The following ZC3H12C variants were observed in gnomAD, a reference collection of about 807,000 sequenced individuals.
ZC3H12C encodes the protein zinc finger CCCH-type containing 12C.
Under a neutral mutation model 76.3 loss-of-function variants are expected in ZC3H12C, and 20 were observed. The ratio of observed to expected loss-of-function variants is 0.26; its 90% CI spans 0.18 to 0.38. The LOEUF is 0.38. Among genes scored for constraint, ZC3H12C ranks in the 10% least tolerant of loss-of-function variants. ZC3H12C has a pLI of 1.00. For synonymous variants in ZC3H12C, 352 were observed against 399.6 expected, an observed-to-expected ratio of 0.88 and a Z score of 1.42; for missense variants, 874 against 1,086.5, an observed-to-expected ratio of 0.80 and a Z score of 2.75.
chr11:110,134,302 G>A (rs1204859069), intron 1 of ZC3H12C, among the ~76,000 whole-genome samples: 1 of 152,120 alleles, frequency 6.6e-6, no homozygotes, highest in Non-Finnish European at 1.5e-5. Flanking sequence ...ATAGGCTTTT[G>A]TTCATACCAA....
intron 1 of ZC3H12C, among the ~76,000 whole-genome samples, chr11:110,101,795 A>C (rs551103193): frequency 7.2e-5 from 11 of 151,994 alleles, no homozygotes; most frequent in African/African-American, 2.7e-4. Flanking sequence ...TGTTCCACCC[A>C]CTTTGGCCTC....
chr11:110,136,694 G>GA lies in ZC3H12C; in HGVS notation c.59dup (p.Asn20LysfsTer10), dbSNP rs1213644414. 6 of 1,613,608 alleles carry GA rather than the reference G, an allele frequency of 3.7e-6. 1 individual carries two copies. The highest frequency in any genetic ancestry group is 4.5e-5 in the East Asian group (2 of 44,902). On this transcript the variant is annotated frameshift_variant, in exon 2 of 6. Coordinates refer to ENST00000278590, the MANE Select transcript of ZC3H12C (RefSeq NM_033390.2). LOFTEE classifies it high-confidence loss of function. The stretch of plus-strand genomic sequence containing the variant: ...GGGGTGCTTTGCATTCAGGAATACA[G>GA]AAAAAACAGCAAAGTGGAGTCAAGT...
At chr11:110,152,779 T>G (rs1862296580) in intron 2 of ZC3H12C, 140 bp from the exon 3 acceptor site, 1 of 915,826 alleles carries the variant, frequency 1.1e-6, no homozygotes, top group African/African-American at 1.7e-5. Flanking sequence ...TCGATGTGTC[T>G]CTGATCTATA....
chr11:110,159,205 G>T, intron 3 of ZC3H12C, 51 bp from the exon 4 acceptor site: 1 of 1,419,756 alleles, frequency 7.0e-7, no homozygotes, highest in South Asian at 1.2e-5. Context: ...GTTGCCATGT[G>T]TGTTATCTAT....
rs149596754 is a variant in ZC3H12C, at chr11:110,164,838, G to A, written c.1753G>A (p.Val585Ile). ...YEQYPKCDSP[V>I]DIGYYSMLNA... ...ACAGTATCCAAAATGTGACTCACCT[G>A]TCGACATCGGATATTATTCCATGTT... The change falls in exon 6 of 6, where the codon GTC becomes ATC. Residue 585 changes from valine to isoleucine, a missense_variant. By Grantham distance (29) the Val-to-Ile change is conservative. Around this residue, in one of 3 missense-constraint regions of ZC3H12C, gnomAD observed 395 missense variants for 434.4 expected, o/e 0.91. Transcript: ENST00000278590. This position sits in a 1 kb window ranked among gnomAD's most constrained non-coding sequence, Gnocchi z 5.7. 1 of 1,614,006 alleles carries A rather than the reference G, an allele frequency of 6.2e-7. No homozygotes were observed. Among genetic ancestry groups the A allele is most frequent in the African/African-American group, 1.3e-5 (1 of 75,046 alleles).
chr11:110,167,243 A>C lies in ZC3H12C; in HGVS notation c.*1506A>C, dbSNP rs1227978691. On this transcript the variant is annotated 3_prime_UTR_variant, in exon 6 of 6. Transcript: ENST00000278590. Reference sequence around the variant, plus strand: ...ACAGTTTGAAGTGAAGCCCTGAAAAACCAGAAAGTACCTTTTACTGTTGAT... The same window carrying C: ...ACAGTTTGAAGTGAAGCCCTGAAAACCCAGAAAGTACCTTTTACTGTTGAT... 1 of 152,106 alleles carries C rather than the reference A, an allele frequency of 6.6e-6. No homozygotes were observed. The highest frequency in any genetic ancestry group is 2.4e-5 in the African/African-American group (1 of 41,404). 9.4% of individuals were successfully genotyped at this position (152,106 alleles called of 1,614,324 possible). A position where few individuals can be genotyped will look rare whatever the true frequency, so the allele number is the denominator to read the frequency against.
At chr11:110,123,935 G>C (rs1057228315) in intron 1 of ZC3H12C, 1 of 152,212 alleles carries the variant, frequency 6.6e-6, no homozygotes, top group Non-Finnish European at 1.5e-5. Flanking sequence ...CTGAACCCCA[G>C]AATTAGATTT....
chr11:110,143,109 T>C (rs1862095806), intron 2 of ZC3H12C, among the ~76,000 whole-genome samples: 2 of 152,204 alleles, frequency 1.3e-5, no homozygotes, highest in African/African-American at 2.4e-5. Flanking sequence ...TAAATAGTTA[T>C]GAGCCTTCAA....
intron 1 of ZC3H12C, among the ~76,000 whole-genome samples, chr11:110,104,626 C>A (rs1416141398): frequency 6.6e-6 from 1 of 152,212 alleles, no homozygotes; most frequent in African/African-American, 2.4e-5. Flanking sequence ...GGTGGGGCCT[C>A]TGAAATCAGG....
At chr11:110,154,776 G>GA (rs36169501) in intron 3 of ZC3H12C, among the ~76,000 whole-genome samples, 34,751 of 142,480 alleles carry the variant, frequency 0.24, 4,219 homozygotes, top group Middle Eastern at 0.38. Flanking sequence ...GTTGCCTAAG[G>GA]AAAAAAAAAT....
At chr11:110,127,909 A>AG (rs71053859) in intron 1 of ZC3H12C, among the ~76,000 whole-genome samples, 99,289 of 148,398 alleles carry the variant, frequency 0.67, 33,404 homozygotes, top group East Asian at 0.81. Context: ...AAAAAAAAAA[A>AG]AGAGATTACA....
At chr11:110,113,954 A>G (rs530640998) in intron 1 of ZC3H12C, among the ~76,000 whole-genome samples, 56 of 152,338 alleles carry the variant, frequency 3.7e-4, no homozygotes, top group Admixed American at 3.0e-3. Flanking sequence ...ATATGTACTC[A>G]GAAACCTTCA....
chr11:110,153,908 C>A (rs1043349454), intron 3 of ZC3H12C, among the ~76,000 whole-genome samples: 1 of 152,222 alleles, frequency 6.6e-6, no homozygotes, highest in African/African-American at 2.4e-5. Context: ...TGTTCTTGAA[C>A]ATTTTGCTCA....
chr11:110,162,437 A>T (rs1862497578), intron 4 of ZC3H12C, among the ~76,000 whole-genome samples: 1 of 152,250 alleles, frequency 6.6e-6, no homozygotes, highest in African/African-American at 2.4e-5. Flanking sequence ...GTAAGGGTTC[A>T]TACATTATTC....
rs547902582 is a variant in ZC3H12C at position 110,105,216 on chromosome 11, T to TGG, written c.21+11784_21+11785insGG. Among the ~76,000 whole-genome samples, 4 of 152,334 alleles carry TGG rather than the reference T, an allele frequency of 2.6e-5. No individual in the cohort carries two copies. In the South Asian group the frequency reaches 8.3e-4, roughly 32 times the overall value. ...TGAGGCTGTCTCCTCATTGTTGACT[T>TGG]ACACTTTTAAAAAATCTTTGGCATC... is the stretch of plus-strand genomic sequence containing the variant. On this transcript the variant is annotated intron_variant, in intron 1 of 5. Coordinates refer to ENST00000278590, the MANE Select transcript of ZC3H12C (RefSeq NM_033390.2).
chr11:110,127,887 CTT>C (rs1189036096), intron 1 of ZC3H12C, among the ~76,000 whole-genome samples: 2 of 96,008 alleles, frequency 2.1e-5, no homozygotes, highest in Non-Finnish European at 4.2e-5. Flanking sequence ...CACAGTGAGA[CTT>C]ACTCTCAAAA....
intron 3 of ZC3H12C, among the ~76,000 whole-genome samples, chr11:110,155,636 C>T (rs942522801): frequency 1.3e-5 from 2 of 151,986 alleles, no homozygotes; most frequent in Non-Finnish European, 2.9e-5. Context: ...TTTTAATGAT[C>T]TGCAGAAATG....
intron 1 of ZC3H12C, among the ~76,000 whole-genome samples, chr11:110,128,624 G>T (rs1861799625): frequency 6.6e-6 from 1 of 152,118 alleles, no homozygotes; most frequent in Admixed American, 6.6e-5. Context: ...ATACACAAAA[G>T]AAAGAGTTTC....
chr11:110,131,134 T>A (rs753404403), intron 1 of ZC3H12C: 1 of 1,489,638 alleles, frequency 6.7e-7, no homozygotes, highest in South Asian at 1.2e-5. Context: ...TTTAATGCCT[T>A]GGAAGTTAAA....
Sources: gnomAD v4.1 joint callset for allele counts (sites outside exome capture counted in the v4.1 genomes callset) on GRCh38, gnomAD v4.1.1 for gene constraint, gnomAD v4.1.1 regional missense constraint, Gnocchi (gnomAD v3.1) non-coding constraint, MANE v1.5 for transcripts, NCBI Gene and HGNC (gene_info 2026-07-23, HGNC 2026-07-21) for gene names.